Variants in LIMS1 observed in about 807,000 individuals in gnomAD.
LIMS1 encodes the protein LIM zinc finger domain containing 1.
A neutral mutation model predicts 44.1 loss-of-function variants in LIMS1; 18 were observed. The ratio of observed to expected loss-of-function variants is 0.41; its 90% CI spans 0.28 to 0.61. The LOEUF is 0.61. Among genes scored for constraint, LIMS1 ranks in the 20% least tolerant of loss-of-function variants. LIMS1 has a pLI of 0.32. For synonymous variants in LIMS1, 93 were observed against 149.1 expected (o/e 0.62, Z 2.74); for missense variants, 201 against 422.0 (o/e 0.48, Z 4.59).
In LIMS1 at chr2:108,642,358, GTTTTTTGTT is replaced by G. The variant is rs1689746873; in HGVS notation, c.33-17240_33-17232del. Among the ~76,000 whole-genome samples, 3 of 18,462 alleles carry G rather than the reference GTTTTTTGTT, an allele frequency of 1.6e-4. No homozygotes were observed. The Admixed American group carries it at 2.6e-3, about 16-fold the overall frequency. The allele number at this position is 18,462 out of a possible 152,430, so 12.1% of individuals were successfully genotyped here. ...GTGTTTTTTGTTTTTTTTTTTTTTT[GTTTTTTGTT>G]TTTTTTTTTTGAGACGGAGTCTCGC... On this transcript the variant is annotated intron_variant, in intron 1 of 9. Coordinates refer to ENST00000544547, the Ensembl canonical transcript of LIMS1.
intron 1 of LIMS1, among the ~76,000 whole-genome samples, chr2:108,541,371 T>C (rs1167225805): frequency 6.6e-6 from 1 of 152,210 alleles, no homozygotes; most frequent in Admixed American, 6.5e-5. Flanking sequence ...AGAATGGACA[T>C]TGGGTAGGCA....
At chr2:108,548,061 C>A (rs1387526334) in intron 1 of LIMS1, among the ~76,000 whole-genome samples, 1 of 152,142 alleles carries the variant, frequency 6.6e-6, no homozygotes, top group Non-Finnish European at 1.5e-5. Flanking sequence ...TTGTGACTAG[C>A]CCCATGAAAT....
At chr2:108,568,061 T>C (rs1558790654) in intron 1 of LIMS1, among the ~76,000 whole-genome samples, 1 of 152,260 alleles carries the variant, frequency 6.6e-6, no homozygotes, top group Non-Finnish European at 1.5e-5. Flanking sequence ...TCGTATTTAT[T>C]TCAGTGCTTA....
intron 2 of LIMS1, among the ~76,000 whole-genome samples, chr2:108,670,565 C>G (rs1160765263): frequency 2.0e-5 from 3 of 152,118 alleles, no homozygotes; most frequent in African/African-American, 4.8e-5. Flanking sequence ...ACTGTTCACT[C>G]TAGCCTCTAC....
intron 1 of LIMS1, among the ~76,000 whole-genome samples, chr2:108,650,778 C>A (rs1690425372): frequency 6.6e-6 from 1 of 152,220 alleles, no homozygotes; most frequent in South Asian, 2.1e-4. Flanking sequence ...TCACGACATA[C>A]AAACAACCTT....
chr2:108,643,728 G>A (rs973638914), intron 1 of LIMS1, among the ~76,000 whole-genome samples: 2 of 152,130 alleles, frequency 1.3e-5, no homozygotes, highest in South Asian at 2.1e-4. Flanking sequence ...GGCTTGATGG[G>A]TCCCACCCCC....
chr2:108,551,257 G>T (rs1453244243), intron 1 of LIMS1, among the ~76,000 whole-genome samples: 1 of 149,428 alleles, frequency 6.7e-6, no homozygotes, highest in Non-Finnish European at 1.5e-5. Context: ...AATGCTGTTT[G>T]AGAATATTTT....
At chr2:108,646,328 A>T (rs1690060254) in intron 1 of LIMS1, among the ~76,000 whole-genome samples, 2 of 152,178 alleles carry the variant, frequency 1.3e-5, no homozygotes, top group Admixed American at 1.3e-4. Context: ...TAAGAAACTC[A>T]CTCAAAACCA....
chr2:108,632,453 G>C (rs1308954721), intron 1 of LIMS1, among the ~76,000 whole-genome samples: 1 of 152,190 alleles, frequency 6.6e-6, no homozygotes, highest in African/African-American at 2.4e-5. Flanking sequence ...GTAGGGTCCA[G>C]GTGTCTCAAG....
At chr2:108,600,423 T>C (rs1323384400) in intron 1 of LIMS1, among the ~76,000 whole-genome samples, 8 of 152,190 alleles carry the variant, frequency 5.3e-5, no homozygotes. Flanking sequence ...TTGTGGGGTA[T>C]TATTCAATAA....
At chr2:108,681,905 A>G (rs1035603078) in intron 9 of LIMS1, among the ~76,000 whole-genome samples, 30 of 152,082 alleles carry the variant, frequency 2.0e-4, no homozygotes, top group Non-Finnish European at 3.4e-4. Context: ...AAAAAAAAAA[A>G]TCTTTCAGCA....
chr2:108,551,899 ATATATGTATATGTGTGTATATGTG>A (rs1242399703), intron 1 of LIMS1, among the ~76,000 whole-genome samples: 3 of 142,554 alleles, frequency 2.1e-5, no homozygotes, highest in African/African-American at 7.8e-5. Flanking sequence ...ATATACATGT[ATATATGTATATGTGTGTATATGTG>A]TATATATGTG....
At chr2:108,680,018 A>C (rs1021243203) in intron 8 of LIMS1, among the ~76,000 whole-genome samples, 1 of 152,066 alleles carries the variant, frequency 6.6e-6, no homozygotes, top group African/African-American at 2.4e-5. Flanking sequence ...TGAGCCCAGG[A>C]GTTCAAGACC....
At chr2:108,617,473 G>T (rs1357030175) in intron 1 of LIMS1, among the ~76,000 whole-genome samples, 1 of 152,010 alleles carries the variant, frequency 6.6e-6, no homozygotes, top group Non-Finnish European at 1.5e-5. Context: ...ATCTCATTTA[G>T]GTAACATTGA....
intron 1 of LIMS1, among the ~76,000 whole-genome samples, chr2:108,609,525 TCTC>T (rs999258619): frequency 6.6e-6 from 1 of 152,186 alleles, no homozygotes; most frequent in African/African-American, 2.4e-5. Context: ...CTGGCTCACT[TCTC>T]CACCTTCCCA....
At chr2:108,567,321 C>T (rs542059915) in intron 1 of LIMS1, among the ~76,000 whole-genome samples, 3 of 152,062 alleles carry the variant, frequency 2.0e-5, no homozygotes, top group Non-Finnish European at 2.9e-5. Context: ...TGCCCTGTGA[C>T]GGGATGGAGT....
At chr2:108,646,092 G>GT (rs1321439844) in intron 1 of LIMS1, among the ~76,000 whole-genome samples, 1 of 152,224 alleles carries the variant, frequency 6.6e-6, no homozygotes, top group Non-Finnish European at 1.5e-5. Context: ...CAATGAGACA[G>GT]AAAGTTAACA....
chr2:108,539,387 CAG>C, intron 1 of LIMS1, among the ~76,000 whole-genome samples: 1 of 152,276 alleles, frequency 6.6e-6, no homozygotes, highest in Admixed American at 6.5e-5. Context: ...ACCCAGCTAC[CAG>C]AGTTTTCATA....
intron 1 of LIMS1, among the ~76,000 whole-genome samples, chr2:108,569,764 C>CTTTTTTTTTTTTTTTTTTTTTTTTTTTT (rs10596766): frequency 2.7e-5 from 3 of 113,128 alleles, no homozygotes; most frequent in African/African-American, 6.9e-5. Context: ...CCATATCTGG[C>CTTTTTTTTTTTTTTTTTTTTTTTTTTTT]TTTTTTTTTT....
Sources: allele counts gnomAD v4.1 joint callset (sites outside exome capture counted in the v4.1 genomes callset), GRCh38; gene constraint gnomAD v4.1.1; transcripts MANE v1.5; gene names NCBI Gene and HGNC (gene_info 2026-07-23, HGNC 2026-07-21).